Variants in GHDC observed in about 807,000 individuals in gnomAD.
GHDC encodes the protein GH3 domain containing.
In GHDC, 39 loss-of-function variants were observed where a neutral mutation model predicts 51.5. That is an observed-to-expected ratio of 0.76 (90% confidence interval 0.59 to 0.99). The LOEUF (loss-of-function observed/expected upper bound fraction) is 0.99. Ranked by LOEUF, GHDC falls within the 50% of genes least tolerant of loss-of-function variation. The pLI, the probability that GHDC is intolerant of heterozygous loss-of-function variation, is 0.00. For synonymous variants in GHDC, 282 were observed against 305.2 expected (o/e 0.92, Z 0.79); for missense variants, 610 against 672.8 (o/e 0.91, Z 1.03).
chr17:42,190,785 G>C, intron 7 of GHDC, 28 bp from the exon 8 acceptor site: 1 of 1,613,930 alleles, frequency 6.2e-7, no homozygotes, highest in South Asian at 1.1e-5. Flanking sequence ...AGAGGCAGTG[G>C]AGCCCAGGAC....
At position 42,189,876 on chromosome 17, in the gene GHDC, G is replaced by T; in HGVS notation, c.1420C>A (p.Arg474=). The change falls in exon 10 of 10, where the codon CGG becomes AGG. Residue 474 remains arginine (R), a synonymous_variant. Coordinates refer to ENST00000587427, the MANE Select transcript of GHDC (RefSeq NM_032484.5). The stretch of plus-strand genomic sequence containing the variant: ...GCAGGGCCCACGCTGCCCCAGAACC[G>T]CAGGGACTTGTAGCGGGGAGAGGCT... The part of the protein sequence containing the change: ...QEASPRYKSL[R]FWGSVGPARV... 1 of 1,559,248 alleles carries T rather than the reference G, an allele frequency of 6.4e-7. No homozygotes were observed.
chr17:42,191,740 G>A (rs2079970126), intron 5 of GHDC, among the ~76,000 whole-genome samples: 2 of 143,256 alleles, frequency 1.4e-5, no homozygotes, highest in South Asian at 4.4e-4. Context: ...GATTACACCC[G>A]TGAGCCACTG....
Position 42,193,016 on chromosome 17 carries a change from A to G in GHDC, c.277T>C (p.Phe93Leu), listed in dbSNP as rs1245323924. The G allele has an allele frequency of 1.2e-6, 2 of 1,614,116 alleles. No homozygotes were observed. Among genetic ancestry groups the G allele is most frequent in the Non-Finnish European group, 1.7e-6 (2 of 1,180,016 alleles). ...SLRRSTDIST[F>L]RNHLPLTKAS... ...TTGGTCAGAGGGAGATGATTCCGGA[A>G]GGTGCTTATGTCTATAGCCCCAATG... The change falls in exon 4 of 10, where the codon TTC becomes CTC. Residue 93 changes from phenylalanine to leucine, a missense_variant. This residue lies in a region of GHDC where 198 missense variants were observed against 262.3 expected (regional missense o/e 0.75). Transcript: ENST00000587427.
intron 5 of GHDC, 123 bp downstream of exon 5, chr17:42,192,118 G>C: frequency 1.6e-6 from 2 of 1,273,176 alleles, no homozygotes; most frequent in South Asian, 3.6e-5. Flanking sequence ...GAGGCTGCTG[G>C]CCCTAGCATG....
chr17:42,190,028 G>A (rs2079955743), intron 9 of GHDC, 107 bp from the exon 10 acceptor site: 10 of 1,336,530 alleles, frequency 7.5e-6, no homozygotes. Context: ...TGTGTGGACA[G>A]GTGTGTGTCT....
At position 42,189,209 on chromosome 17, in the gene GHDC, A is replaced by G. The variant is rs868708567; in HGVS notation, c.*494T>C. 3 of 398,074 alleles carry G rather than the reference A, an allele frequency of 7.5e-6. No homozygotes were observed. The highest frequency in any genetic ancestry group is 8.8e-6 in the Non-Finnish European group (2 of 225,992). 24.7% of individuals were successfully genotyped at this position (398,074 alleles called of 1,614,324 possible). Reference sequence around the variant, plus strand: ...AATGAGTGGGTTACTGCTGCGGGCAACTGGGACTCCATCCTGCTGGGCATC... The same window carrying G: ...AATGAGTGGGTTACTGCTGCGGGCAGCTGGGACTCCATCCTGCTGGGCATC... On this transcript the variant is annotated 3_prime_UTR_variant, in exon 10 of 10. Transcript: ENST00000587427.
chr17:42,192,054 A>C (rs2079972667), intron 5 of GHDC, among the ~76,000 whole-genome samples, 187 bp downstream of exon 5: 1 of 152,132 alleles, frequency 6.6e-6, no homozygotes, highest in Non-Finnish European at 1.5e-5. Flanking sequence ...GAGCCACTGC[A>C]CCCAGCTACA....
At position 42,189,836 on chromosome 17, in the gene GHDC, A is replaced by C; in HGVS notation, c.1460T>G (p.Val487Gly). 2 of 1,560,348 alleles carry C rather than the reference A, an allele frequency of 1.3e-6. No homozygotes were observed. The highest frequency in any genetic ancestry group is 1.7e-6 in the Non-Finnish European group (2 of 1,153,350). ...GSVGPARVHLVGQGAFRALRA... is the reference protein window; with the variant it reads ...GSVGPARVHLGGQGAFRALRA... ...GAGTGCTCGGAAGGCTCCCTGCCCC[A>C]CCAGGTGGACTCTGGCAGGGCCCAC... Residue 487 changes from valine (V) to glycine (G), a missense_variant, in exon 10 of 10, where the codon GTG (valine) becomes GGG (glycine). Coordinates refer to ENST00000587427, the MANE Select transcript of GHDC (RefSeq NM_032484.5).
In GHDC at chr17:42,193,405, C is replaced by T. The variant is rs577141631; in HGVS notation, c.177G>A (p.Thr59=). 4.8e-5 allele frequency: 76 copies of T among 1,586,174 alleles called. 1 individual carries two copies. In the South Asian group the frequency reaches 7.0e-4, roughly 15 times the overall value. ...GCTGCTGGCTCTGGTGCACATGGAG[C>T]GTGCTCTGCTCCAGCCTCCGCCGCT... ...TWQRRRLEQS[T]LHVHQSQQQA... Residue 59 remains threonine (T), a synonymous_variant, in exon 3 of 10, where the codon ACG becomes ACA. Transcript: ENST00000587427.
chr17:42,190,381 G>C (rs117243204), intron 8 of GHDC, 111 bp from the exon 9 acceptor site: 55,379 of 1,580,908 alleles, frequency 0.035, 1,123 homozygotes, highest in Non-Finnish European at 0.041. Flanking sequence ...AGGGAAAAAA[G>C]AGTTTCTTGG....
chr17:42,189,820 G>A lies in GHDC; in HGVS notation c.1476C>T (p.Phe492=). 6.4e-7 allele frequency: 1 copy of A among 1,559,778 alleles called. No individual in the cohort carries two copies. The highest frequency in any genetic ancestry group is 8.7e-7 in the Non-Finnish European group (1 of 1,153,024). ...ARVHLVGQGA[F]RALRAALAAC... ...CAGCGAGGGCTGCCCGGAGTGCTCG[G>A]AAGGCTCCCTGCCCCACCAGGTGGA... Residue 492 remains phenylalanine, a synonymous_variant, in exon 10 of 10, where the codon TTC becomes TTT. Transcript: ENST00000587427.
In GHDC at chr17:42,191,111, G is replaced by A. The variant is rs1209289246; in HGVS notation, c.989C>T (p.Thr330Ile). Residue 330 changes from threonine (T) to isoleucine (I), a missense_variant, in exon 6 of 10, where the codon ACC becomes ATC. Transcript: ENST00000587427. Reference protein sequence around the residue: ...FIELLPVKEGTQEEAASTLLL... With the variant: ...FIELLPVKEGIQEEAASTLLL... Reference sequence around the variant, plus strand: ...GAGGGTGGAGGCAGCTTCCTCCTGGGTGCCTTCCTTGACTGGGAGCAGCTC... The same window carrying A: ...GAGGGTGGAGGCAGCTTCCTCCTGGATGCCTTCCTTGACTGGGAGCAGCTC... 1.3e-6 allele frequency: 2 copies of A among 1,568,552 alleles called. No individual in the cohort carries two copies. Among genetic ancestry groups the A allele is most frequent in the Admixed American group, 2.0e-5 (1 of 49,414 alleles).
intron 5 of GHDC, 88 bp from the exon 6 acceptor site, chr17:42,191,298 C>T (rs2079967314): frequency 7.3e-6 from 9 of 1,239,012 alleles, no homozygotes; most frequent in South Asian, 1.9e-5. Flanking sequence ...AGGCCTGATC[C>T]TCTGAGCACC....
Position 42,190,643 on chromosome 17 carries a change from A to C in GHDC, c.1269T>G (p.Cys423Trp). ...WAGAKLLDHG[C>W]VESSILDSSA... is the part of the protein sequence containing the mutation. ...GCTCACCCAGAATGCTGCTCTCCAC[A>C]CAGCCATGGTCCAGCAGCTTGGCCC... The change falls in exon 8 of 10, where the codon TGT becomes TGG. Residue 423 changes from cysteine to tryptophan, a missense_variant. Physicochemically the swap from Cys to Trp is radical, Grantham distance 215. This residue lies in a region of GHDC where 412 missense variants were observed against 410.4 expected (regional missense o/e 1.00). Transcript: ENST00000587427. 6.2e-7 allele frequency: 1 copy of C among 1,612,792 alleles called. No homozygotes were observed.
intron 6 of GHDC, 54 bp downstream of exon 6, chr17:42,190,964 C>T: frequency 1.9e-6 from 3 of 1,570,206 alleles, no homozygotes; most frequent in Non-Finnish European, 8.6e-7. Context: ...ATGCCCCAGG[C>T]CCCCAGCACG....
intron 2 of GHDC, 72 bp from the exon 3 acceptor site, chr17:42,193,666 AT>A: frequency 6.9e-7 from 1 of 1,445,188 alleles, no homozygotes; most frequent in Non-Finnish European, 9.1e-7. Flanking sequence ...GCTCTACTGC[AT>A]ACAGGAAAAC....
At chr17:42,193,120 A>G (rs1461235000) in intron 3 of GHDC, 93 bp from the exon 4 acceptor site, 1 of 1,588,764 alleles carries the variant, frequency 6.3e-7, no homozygotes. Flanking sequence ...AGGAACCGAG[A>G]ATAGGCCTGG....
At chr17:42,189,979 G>A (rs1231353360) in intron 9 of GHDC, 58 bp from the exon 10 acceptor site, 21 of 1,396,020 alleles carry the variant, frequency 1.5e-5, no homozygotes, top group Non-Finnish European at 1.8e-5. Flanking sequence ...CACACGAGGC[G>A]TGTGTGGCTG....
chr17:42,190,037 C>A, intron 9 of GHDC, 116 bp from the exon 10 acceptor site: 1 of 1,336,242 alleles, frequency 7.5e-7, no homozygotes, highest in South Asian at 1.4e-5. Context: ...AGGTGTGTGT[C>A]TGTGGGACTT....
Sources: gnomAD v4.1 joint callset for allele counts (sites outside exome capture counted in the v4.1 genomes callset) on GRCh38, gnomAD v4.1.1 for gene constraint, gnomAD v4.1.1 regional missense constraint, MANE v1.5 for transcripts, NCBI Gene and HGNC (gene_info 2026-07-23, HGNC 2026-07-21) for gene names.